PKP2: variants seen among roughly 807,000 people sequenced by gnomAD.
PKP2 encodes the protein plakophilin-2.
PKP2 carries 73 observed loss-of-function variants against 83.4 expected under a neutral mutation model. The observed-to-expected ratio is 0.88, with a 90% CI of 0.72 to 1.06. The LOEUF (loss-of-function observed/expected upper bound fraction) is 1.06, where lower values mean the gene tolerates loss of function less well. PKP2 is among the 50% of genes least tolerant of loss of function. The pLI, the probability that PKP2 is intolerant of heterozygous loss-of-function variation, is 0.00. For missense variants in PKP2, 966 were observed against 1,065.4 expected (o/e 0.91, Z 1.30); for synonymous variants, 409 against 430.4 (o/e 0.95, Z 0.62).
At chr12:32,810,681 T>TAAATGAGAA (rs1592732918) in intron 9 of PKP2, among the ~76,000 whole-genome samples, 11 of 50,406 alleles carry the variant, frequency 2.2e-4, no homozygotes, top group South Asian at 1.4e-3. Context: ...AAACATTTTT[T>TAAATGAGAA]TTTTTTTTTT....
intron 6 of PKP2, 114 bp from the exon 7 acceptor site, chr12:32,824,276 TAA>T (rs1242396495): frequency 1.3e-6 from 1 of 773,218 alleles, no homozygotes; most frequent in Non-Finnish European, 2.3e-6. Flanking sequence ...GGCAAATTTG[TAA>T]AAGTGTGGCA....
At chr12:32,832,915 C>T (rs1956512781) in intron 6 of PKP2, among the ~76,000 whole-genome samples, 2 of 152,080 alleles carry the variant, frequency 1.3e-5, no homozygotes. Flanking sequence ...CATGAGTATT[C>T]AGAATAAGAT....
intron 10 of PKP2, among the ~76,000 whole-genome samples, chr12:32,800,523 G>A (rs1054891616): frequency 6.6e-6 from 1 of 152,200 alleles, no homozygotes; most frequent in Non-Finnish European, 1.5e-5. Flanking sequence ...CCAGAGTGCT[G>A]TAGTTTCAGT....
At chr12:32,830,635 G>A (rs1353172882) in intron 6 of PKP2, among the ~76,000 whole-genome samples, 2 of 152,004 alleles carry the variant, frequency 1.3e-5, no homozygotes, top group Non-Finnish European at 2.9e-5. Flanking sequence ...GGCCAGGCAC[G>A]GTGGCTCATG....
At chr12:32,821,854 C>T in intron 8 of PKP2, 1 of 331,274 alleles carries the variant, frequency 3.0e-6, no homozygotes. Flanking sequence ...GTCACAACCA[C>T]CCTGTAGATA....
chr12:32,826,929 C>T (rs1428044110), intron 6 of PKP2, among the ~76,000 whole-genome samples: 1 of 152,198 alleles, frequency 6.6e-6, no homozygotes, highest in Non-Finnish European at 1.5e-5. Context: ...TGGCCCAGAA[C>T]AGAGCAAATC....
intron 6 of PKP2, among the ~76,000 whole-genome samples, chr12:32,840,218 C>G (rs1210174784): frequency 1.3e-5 from 2 of 152,198 alleles, no homozygotes; most frequent in Non-Finnish European, 2.9e-5. Flanking sequence ...AACTGCTGCT[C>G]TAACACATTT....
At chr12:32,846,992 C>T (rs574672091) in intron 5 of PKP2, among the ~76,000 whole-genome samples, 1 of 151,988 alleles carries the variant, frequency 6.6e-6, no homozygotes, top group East Asian at 1.9e-4. Context: ...TCACACTGAT[C>T]ATATGTAAGT....
intron 5 of PKP2, among the ~76,000 whole-genome samples, chr12:32,842,976 C>A (rs1207145718): frequency 6.6e-6 from 1 of 150,454 alleles, no homozygotes; most frequent in Non-Finnish European, 1.5e-5. Flanking sequence ...CCTGGCCCAG[C>A]AATTCCTACT....
At chr12:32,892,290 T>C (rs1381100089) in intron 1 of PKP2, among the ~76,000 whole-genome samples, 1 of 151,878 alleles carries the variant, frequency 6.6e-6, no homozygotes, top group African/African-American at 2.4e-5. Context: ...CCTGAGCCAA[T>C]TTTCAATTCT....
chr12:32,873,382 GC>G (rs1456823368), intron 3 of PKP2, among the ~76,000 whole-genome samples: 1 of 152,006 alleles, frequency 6.6e-6, no homozygotes, highest in Non-Finnish European at 1.5e-5. Flanking sequence ...ACAGGTGTGA[GC>G]CACCATGCCC....
At chr12:32,810,050 G>A (rs1956263508) in intron 9 of PKP2, among the ~76,000 whole-genome samples, 1 of 152,186 alleles carries the variant, frequency 6.6e-6, no homozygotes, top group Non-Finnish European at 1.5e-5. Flanking sequence ...TATTTTAGCA[G>A]TCTCTCTTTG....
At chr12:32,792,576 G>T in intron 12 of PKP2, 68 bp downstream of exon 12, 1 of 1,542,042 alleles carries the variant, frequency 6.5e-7, no homozygotes, top group Admixed American at 1.7e-5. Context: ...TCTTCCCAGG[G>T]TCAAGTCAAG....
At chr12:32,885,126 A>G (rs1957020100) in intron 1 of PKP2, among the ~76,000 whole-genome samples, 4 of 152,198 alleles carry the variant, frequency 2.6e-5, no homozygotes, top group Admixed American at 2.0e-4. Context: ...GGTCAAACCA[A>G]TTGCGGGGGC....
At chr12:32,895,198 T>C (rs985155383) in intron 1 of PKP2, among the ~76,000 whole-genome samples, 1 of 152,058 alleles carries the variant, frequency 6.6e-6, no homozygotes, top group African/African-American at 2.4e-5. Context: ...AATACATATA[T>C]ATATATATAT....
Position 32,868,983 on chromosome 12 carries a change from C to G in PKP2, c.1114G>C (p.Ala372Pro), listed in dbSNP as rs200586695. 712 of 1,613,884 alleles carry G rather than the reference C, an allele frequency of 4.4e-4. 1 individual carries two copies. Among genetic ancestry groups the G allele is most frequent in the Non-Finnish European group, 4.7e-4 (552 of 1,180,002 alleles). Residue 372 changes from alanine (A) to proline (P), a missense_variant, in exon 4 of 13, where the codon GCT (alanine) becomes CCT (proline). Transcript: ENST00000340811. ...TCGTGCTGTATGAAAGTAGCTGCAG[C>G]AGAAATCCTGGATGGCAGCATGTGG... ...ADHMLPSRISAAATFIQHECF... is the reference protein window; with the variant it reads ...ADHMLPSRISPAATFIQHECF...
At position 32,889,497 on chromosome 12, in the gene PKP2, GCA is replaced by G. The variant is rs1008370426; in HGVS notation, c.223+7010_223+7011del. 4.6e-5 allele frequency among the ~76,000 whole-genome samples: 7 copies of G among 152,264 alleles called. No homozygotes were observed. The East Asian group carries it at 5.8e-4, about 13-fold the overall frequency. On this transcript the variant is annotated intron_variant, in intron 1 of 12. Coordinates refer to ENST00000340811, the MANE Select transcript of PKP2 (RefSeq NM_001005242.3). ...ACTGTATCTTACACTACCACTTCTA[GCA>G]CAGTCTTGTATCAGTACTTGACAAG...
intron 9 of PKP2, chr12:32,820,876 T>G (rs1185618215): frequency 5.5e-6 from 1 of 181,894 alleles, no homozygotes; most frequent in African/African-American, 2.4e-5. Context: ...AAAATGGTAG[T>G]TTGTTTCTTG....
intron 1 of PKP2, among the ~76,000 whole-genome samples, chr12:32,889,595 A>G (rs1957059630): frequency 6.6e-6 from 1 of 152,236 alleles, no homozygotes; most frequent in Non-Finnish European, 1.5e-5. Context: ...TTTGCGCTTA[A>G]TCATTCAGGC....
Sources: allele counts gnomAD v4.1 joint callset (sites outside exome capture counted in the v4.1 genomes callset), GRCh38; gene constraint gnomAD v4.1.1; transcripts MANE v1.5; gene names NCBI Gene and HGNC (gene_info 2026-07-23, HGNC 2026-07-21).